SLC17A4: variants seen among roughly 807,000 people sequenced by gnomAD.
The protein encoded by SLC17A4 is solute carrier family 17 member 4.
In SLC17A4, 33 loss-of-function variants were observed where a neutral mutation model predicts 52.5. The observed-to-expected ratio is 0.63, with a 90% CI of 0.48 to 0.84. The LOEUF is 0.84. SLC17A4 is among the 40% of genes least tolerant of loss of function. SLC17A4 has a pLI of 0.00. For synonymous variants in SLC17A4, 225 were observed against 216.2 expected, an observed-to-expected ratio of 1.04 and a Z score of -0.36; for missense variants, 585 against 597.1, an observed-to-expected ratio of 0.98 and a Z score of 0.21.
chr6:25,770,268 A>C lies in SLC17A4; in HGVS notation c.499A>C (p.Ile167Leu). 1 of 1,614,042 alleles carries C rather than the reference A, an allele frequency of 6.2e-7. No homozygotes were observed. Among genetic ancestry groups the C allele is most frequent in the Non-Finnish European group, 8.5e-7 (1 of 1,179,974 alleles). Residue 167 changes from isoleucine (I) to leucine (L), a missense_variant, in exon 4 of 12, where the codon ATT becomes CTT. Transcript: ENST00000377905. ...AGCTAATGCGGGAGTGGCCTTGCTC[A>C]TTGTCCTCCGGATTGTACAAGGCAT... Reference protein sequence around the residue: ...LAANAGVALLIVLRIVQGIAQ... With the variant: ...LAANAGVALLLVLRIVQGIAQ...
intron 6 of SLC17A4, among the ~76,000 whole-genome samples, chr6:25,772,465 C>G (rs575103760): frequency 1.3e-5 from 2 of 152,012 alleles, no homozygotes; most frequent in African/African-American, 2.4e-5. Flanking sequence ...AAATGACATG[C>G]TAGCCAAACA....
At chr6:25,763,785 T>C (rs1161568627) in intron 2 of SLC17A4, among the ~76,000 whole-genome samples, 1 of 152,250 alleles carries the variant, frequency 6.6e-6, no homozygotes, top group Non-Finnish European at 1.5e-5. Context: ...TCAGTGTCAG[T>C]TAGGGATTTC....
At chr6:25,773,818 T>G in intron 8 of SLC17A4, 144 bp downstream of exon 8, 1 of 724,596 alleles carries the variant, frequency 1.4e-6, no homozygotes, top group South Asian at 2.2e-5. Flanking sequence ...TGCAATCTAG[T>G]TAATTTGGAT....
At chr6:25,778,731 G>A (rs1296658302) in intron 11 of SLC17A4, among the ~76,000 whole-genome samples, 1 of 152,210 alleles carries the variant, frequency 6.6e-6, no homozygotes, top group Non-Finnish European at 1.5e-5. Context: ...TAAAGCACAA[G>A]GGGTGGAATT....
chr6:25,776,998 T>C (rs1466519252), intron 10 of SLC17A4, 39 bp downstream of exon 10: 7 of 1,569,166 alleles, frequency 4.5e-6, no homozygotes, highest in African/African-American at 2.7e-5. Flanking sequence ...AGACACTCAA[T>C]TCAAGTCTAG....
intron 2 of SLC17A4, among the ~76,000 whole-genome samples, chr6:25,767,353 G>A (rs951957162): frequency 5.3e-5 from 8 of 151,930 alleles, no homozygotes; most frequent in Admixed American, 3.3e-4. Context: ...CCAATAATAC[G>A]AAGGTGGTAG....
At position 25,776,823 on chromosome 6, in the gene SLC17A4, C is replaced by T. The variant is rs773451310; in HGVS notation, c.1132C>T (p.Pro378Ser). The change falls in exon 10 of 12, where the codon CCA (proline) becomes TCA (serine). Residue 378 changes from proline to serine, a missense_variant. Coordinates refer to ENST00000377905, the MANE Select transcript of SLC17A4 (RefSeq NM_005495.3). ...KLFTAIGVLF[P>S]SVILVSLPWV... ...TCCTCCTACCCCAGGGGTTCTCTTC[C>T]CATCCGTGATCCTCGTGTCCCTGCC... The T allele has an allele frequency of 6.2e-7, 1 of 1,613,944 alleles. No homozygotes were observed. The highest frequency in any genetic ancestry group is 8.5e-7 in the Non-Finnish European group (1 of 1,179,900).
chr6:25,774,008 C>T (rs1455365200), intron 8 of SLC17A4, among the ~76,000 whole-genome samples: 2 of 152,054 alleles, frequency 1.3e-5, no homozygotes, highest in Non-Finnish European at 2.9e-5. Context: ...AATTTGCAAA[C>T]AAGATGCTCT....
At chr6:25,759,569 G>A (rs562182654) in intron 1 of SLC17A4, among the ~76,000 whole-genome samples, 18 of 152,218 alleles carry the variant, frequency 1.2e-4, no homozygotes, top group African/African-American at 3.6e-4. Flanking sequence ...TTTTTCAACT[G>A]CTGTTGCTTA....
At chr6:25,756,214 C>G (rs2151407963) in intron 1 of SLC17A4, among the ~76,000 whole-genome samples, 1 of 152,234 alleles carries the variant, frequency 6.6e-6, no homozygotes, top group South Asian at 2.1e-4. Flanking sequence ...GATCTCATCT[C>G]CTACCATTAA....
At chr6:25,766,097 A>G (rs149045983) in intron 2 of SLC17A4, among the ~76,000 whole-genome samples, 3,243 of 150,988 alleles carry the variant, frequency 0.021, 71 homozygotes, top group African/African-American at 0.058. Flanking sequence ...TTACATAATC[A>G]TAATTAACTT....
Position 25,776,928 on chromosome 6 carries a change from G to A in SLC17A4, c.1237G>A (p.Ala413Thr), listed in dbSNP as rs777192278. The A allele has an allele frequency of 6.2e-7, 1 of 1,613,530 alleles. No homozygotes were observed. Among genetic ancestry groups the A allele is most frequent in the South Asian group, 1.1e-5 (1 of 91,020 alleles). Residue 413 changes from alanine to threonine, a missense_variant, in exon 10 of 12, where the codon GCC (alanine) becomes ACC (threonine). Transcript: ENST00000377905. ...SAISSFCESG[A>T]LVNFLDIAPR... Reference sequence around the variant, plus strand: ...CATCAGCAGCTTCTGTGAATCAGGAGCCCTTGTTAACTTCTTGGATATTGC... The same window carrying A: ...CATCAGCAGCTTCTGTGAATCAGGAACCCTTGTTAACTTCTTGGATATTGC...
In SLC17A4 at chr6:25,757,790, C is replaced by T. The variant is rs527882695; in HGVS notation, c.-37+3009C>T. 3.3e-5 allele frequency among the ~76,000 whole-genome samples: 5 copies of T among 152,272 alleles called. No homozygotes were observed. In the East Asian group the frequency reaches 9.7e-4, roughly 29 times the overall value. ...GTTGGATGAATGTTCAATGCTGAATCCTTTATTGTACCCCACTGGGGGCAT... is the reference window on the plus strand; with the variant it reads ...GTTGGATGAATGTTCAATGCTGAATTCTTTATTGTACCCCACTGGGGGCAT... On this transcript the variant is annotated intron_variant, in intron 1 of 11. Transcript: ENST00000377905.
Position 25,776,875 on chromosome 6 carries a change from C to A in SLC17A4, c.1184C>A (p.Thr395Asn). ...TGGGTCAGATCCAGCCACAGCATGA[C>A]CATGACCTTCTTGGTGCTGTCTTCT... ...LPWVRSSHSM[T>N]MTFLVLSSAI... The change falls in exon 10 of 12, where the codon ACC becomes AAC. Residue 395 changes from threonine (T) to asparagine (N), a missense_variant. Thr to Asn is a moderately conservative substitution (Grantham distance 65). Coordinates refer to ENST00000377905, the MANE Select transcript of SLC17A4 (RefSeq NM_005495.3). 1 of 1,613,980 alleles carries A rather than the reference C, an allele frequency of 6.2e-7. No homozygotes were observed. The highest frequency in any genetic ancestry group is 8.5e-7 in the Non-Finnish European group (1 of 1,179,898).
Position 25,770,433 on chromosome 6 carries a change from C to T in SLC17A4, c.581C>T (p.Pro194Leu), listed in dbSNP as rs199944557. 298 of 1,613,996 alleles carry T rather than the reference C, an allele frequency of 1.8e-4. No homozygotes were observed. Among genetic ancestry groups the T allele is most frequent in the Non-Finnish European group, 2.4e-4 (280 of 1,179,996 alleles). The change falls in exon 5 of 12, where the codon CCA becomes CTA. Residue 194 changes from proline (P) to leucine (L), a missense_variant. Pro to Leu is a moderately conservative substitution (Grantham distance 98). Transcript: ENST00000377905. ...QYSIWVKWAPPLERSQLTTIA... is the reference protein window; with the variant it reads ...QYSIWVKWAPLLERSQLTTIA... Reference sequence around the variant, plus strand: ...TCAATTTGGGTCAAATGGGCTCCCCCACTGGAAAGGAGTCAACTCACCACC... The same window carrying T: ...TCAATTTGGGTCAAATGGGCTCCCCTACTGGAAAGGAGTCAACTCACCACC...
At chr6:25,771,839 G>C (rs956962573) in intron 6 of SLC17A4, among the ~76,000 whole-genome samples, 31 of 152,282 alleles carry the variant, frequency 2.0e-4, no homozygotes, top group African/African-American at 7.5e-4. Context: ...AATACACAGA[G>C]AGATGCTGCA....
intron 5 of SLC17A4, 42 bp downstream of exon 5, chr6:25,770,513 G>A: frequency 6.3e-7 from 1 of 1,578,122 alleles, no homozygotes; most frequent in South Asian, 1.1e-5. Flanking sequence ...CACTGTCCAG[G>A]AGAACTCAGC....
At chr6:25,770,592 CACTACCCCAT>C (rs1762401360) in intron 5 of SLC17A4, 121 bp downstream of exon 5, 1 of 889,344 alleles carries the variant, frequency 1.1e-6, no homozygotes, top group Non-Finnish European at 1.9e-6. Context: ...TTCCTTAAAG[CACTACCCCAT>C]ACTGCCTTAC....
At chr6:25,777,692 G>C (rs1763049958) in intron 10 of SLC17A4, 1 of 413,968 alleles carries the variant, frequency 2.4e-6, no homozygotes. Context: ...TACCCCCTTG[G>C]GAGTACCAGT....
Sources: gnomAD v4.1 joint callset for allele counts (sites outside exome capture counted in the v4.1 genomes callset) on GRCh38, gnomAD v4.1.1 for gene constraint, MANE v1.5 for transcripts, NCBI Gene and HGNC (gene_info 2026-07-23, HGNC 2026-07-21) for gene names.